CAPN15: variants seen among roughly 807,000 people sequenced by gnomAD.
CAPN15 encodes the protein calpain-15.
A neutral mutation model predicts 97.9 loss-of-function variants in CAPN15; 53 were observed. The ratio of observed to expected loss-of-function variants is 0.54; its 90% CI spans 0.43 to 0.68. The LOEUF (loss-of-function observed/expected upper bound fraction) is 0.68. Among genes scored for constraint, CAPN15 ranks in the 30% least tolerant of loss-of-function variants. CAPN15 has a pLI of 0.00. For missense variants in CAPN15, 1,592 were observed against 1,589.8 expected (o/e 1.00, Z -0.02); for synonymous variants, 922 against 722.5 (o/e 1.28, Z -4.43).
In CAPN15 at chr16:554,554, T is replaced by C. The variant is rs7763; in HGVS notation, c.*1038T>C. On this transcript the variant is annotated 3_prime_UTR_variant, in exon 14 of 14. Transcript: ENST00000219611. Reference sequence around the variant, plus strand: ...CAGAGACTATTTTATCAATTGTCAGTCCCGTTCCTTTACCATAGGATTCTC... The same window carrying C: ...CAGAGACTATTTTATCAATTGTCAGCCCCGTTCCTTTACCATAGGATTCTC... 0.33 allele frequency: 148,440 copies of C among 456,064 alleles called. 27,337 individuals are homozygous for C. Among genetic ancestry groups the C allele is most frequent in the East Asian group, 0.81 (11,672 of 14,382 alleles). The allele number at this position is 456,064 out of a possible 1,614,324, so 28.3% of individuals were successfully genotyped here.
rs565888104 is a variant in CAPN15 at position 547,597 on chromosome 16, C to T, written c.759C>T (p.Pro253=). 4 of 1,574,702 alleles carry T rather than the reference C, an allele frequency of 2.5e-6. No homozygotes were observed. The highest frequency in any genetic ancestry group is 2.6e-6 in the Non-Finnish European group (3 of 1,162,260). ...CGCGCAGCCGACGCGAGGTTCCCCC[C>T]CAGCTGCAGCCACCGGTGCCTGAGG... ...PVPRSRREVP[P]QLQPPVPEAA... The change falls in exon 4 of 14, where the codon CCC becomes CCT. Residue 253 remains proline (P), a synonymous_variant. Transcript: ENST00000219611.
intron 5 of CAPN15, 41 bp from the exon 6 acceptor site, chr16:549,247 C>T (rs1448601062): frequency 5.1e-5 from 78 of 1,543,214 alleles, no homozygotes; most frequent in Admixed American, 9.6e-5. Flanking sequence ...GGCGGGCGAC[C>T]GGCCGCGGTC....
In CAPN15 at chr16:540,175, G is replaced by T. The variant is rs1029184069; in HGVS notation, c.-23+4033G>T. The T allele has an allele frequency of 3.0e-6, 3 of 985,484 alleles. No homozygotes were observed. In the South Asian group the frequency reaches 1.4e-4, roughly 46 times the overall value. The allele number at this position is 985,484 out of a possible 1,614,324, so 61.0% of individuals were successfully genotyped here. A position where few individuals can be genotyped will look rare whatever the true frequency, so the allele number is the denominator to read the frequency against. On this transcript the variant is annotated intron_variant, in intron 3 of 13. Transcript: ENST00000219611. ...ACCAGGTCCGGCTCTCAGCACGGCC[G>T]CCGGCCGGGGGGCCATGGGGAGCTC...
chr16:545,756 T>C (rs1412364200), intron 3 of CAPN15, among the ~76,000 whole-genome samples: 1 of 152,196 alleles, frequency 6.6e-6, no homozygotes, highest in East Asian at 1.9e-4. Context: ...TGCCTGCACC[T>C]GCGGTCAGCG....
rs374355630 is a variant in CAPN15 at position 552,700 on chromosome 16, G to A, written c.2833G>A (p.Val945Met). Residue 945 changes from valine (V) to methionine (M), a missense_variant, in exon 12 of 14, where the codon GTG becomes ATG. Transcript: ENST00000219611. This position sits in a 1 kb window ranked among gnomAD's most constrained non-coding sequence, Gnocchi z 6.4. ...YSSRLVMVEP[V>M]EAQPTTLADA... ...CTCGAGGCTGGTCATGGTGGAGCCC[G>A]TGGAAGCCCAGCCGACCACGCTGGC... is the stretch of plus-strand genomic sequence containing the variant. 178 of 1,544,368 alleles carry A rather than the reference G, an allele frequency of 1.2e-4. No homozygotes were observed. Among genetic ancestry groups the A allele is most frequent in the Admixed American group, 5.9e-4 (30 of 50,958 alleles).
chr16:550,356 A>G (rs1236077053), intron 7 of CAPN15, among the ~76,000 whole-genome samples: 1 of 152,042 alleles, frequency 6.6e-6, no homozygotes, highest in Non-Finnish European at 1.5e-5. Flanking sequence ...AGCCAGCCCC[A>G]CAAGGCCTCC....
At chr16:536,968 C>A (rs948208033) in intron 3 of CAPN15, 4 of 232,116 alleles carry the variant, frequency 1.7e-5, no homozygotes, top group Admixed American at 1.3e-4. Context: ...AGGGCAGGGC[C>A]CCCGGCACCC....
chr16:535,747 C>G lies in CAPN15; in HGVS notation c.-136-282C>G, dbSNP rs1029999770. Among the ~76,000 whole-genome samples, 3 of 152,146 alleles carry G rather than the reference C, an allele frequency of 2.0e-5. No individual in the cohort carries two copies. The highest frequency in any genetic ancestry group is 1.3e-4 in the Admixed American group (2 of 15,282). On this transcript the variant is annotated intron_variant, in intron 2 of 13. Transcript: ENST00000219611. This position sits in a 1 kb window ranked among gnomAD's most constrained non-coding sequence, Gnocchi z 6.2. ...TTGAGGCGCCGCCCTGAGAGTCAGCCCTGTGGTCACGGCTCCTGCTGGTTC... is the reference window on the plus strand; with the variant it reads ...TTGAGGCGCCGCCCTGAGAGTCAGCGCTGTGGTCACGGCTCCTGCTGGTTC...
Position 552,606 on chromosome 16 carries a change from C to T in CAPN15, c.2739C>T (p.Ala913=), listed in dbSNP as rs1458863939. 8 of 1,539,276 alleles carry T rather than the reference C, an allele frequency of 5.2e-6. No homozygotes were observed. Among genetic ancestry groups the T allele is most frequent in the African/African-American group, 1.4e-5 (1 of 73,060 alleles). ...PPLPGTPAPQ[A]SSPSAGVPRA... is the part of the protein sequence containing the mutation. The stretch of plus-strand genomic sequence containing the variant: ...CGGTTCACACGCCCGTCCTTGTAGC[C>T]TCCAGCCCCTCGGCAGGGGTCCCGA... The change falls in exon 12 of 14, where the codon GCC becomes GCT. Residue 913 remains alanine (A), a splice_region_variant and synonymous_variant. Transcript: ENST00000219611. This position sits in a 1 kb window ranked among gnomAD's most constrained non-coding sequence, Gnocchi z 6.4.
chr16:546,077 C>G (rs1029646600), intron 3 of CAPN15, among the ~76,000 whole-genome samples: 11 of 152,192 alleles, frequency 7.2e-5, no homozygotes, highest in African/African-American at 2.7e-4. Flanking sequence ...CTCGCCGGGC[C>G]CAGTCCACCC....
rs773177856 is a variant in CAPN15 at position 552,241 on chromosome 16, G to C, written c.2507+29G>C. On this transcript the variant is annotated intron_variant, in intron 10 of 13. Coordinates refer to ENST00000219611, the MANE Select transcript of CAPN15 (RefSeq NM_005632.3). The surrounding 1 kb of genome is among the most constrained non-coding windows in gnomAD (Gnocchi z 6.4). ...GGTGCTGCGGGGCCCCATCGGGCTG[G>C]GCTGGGCTAGGCTGGCGGCCGTGAC... 1 of 1,532,658 alleles carries C rather than the reference G, an allele frequency of 6.5e-7. No homozygotes were observed. Among genetic ancestry groups the C allele is most frequent in the South Asian group, 1.2e-5 (1 of 82,492 alleles). The allele number at this position is 1,532,658 out of a possible 1,614,324, so 94.9% of individuals were successfully genotyped here. A position where few individuals can be genotyped will look rare whatever the true frequency, so the allele number is the denominator to read the frequency against.
intron 3 of CAPN15, chr16:543,408 C>CGTGGG (rs747024345): frequency 6.5e-6 from 1 of 153,002 alleles, no homozygotes; most frequent in Non-Finnish European, 1.5e-5. Context: ...GCGGGGCAGG[C>CGTGGG]GTGGGGTCTG....
intron 3 of CAPN15, among the ~76,000 whole-genome samples, chr16:540,763 G>C (rs891026263): frequency 1.3e-5 from 2 of 152,228 alleles, no homozygotes; most frequent in Admixed American, 1.3e-4. Flanking sequence ...CCCCCCGGGG[G>C]TCACAGGCCA....
chr16:539,755 T>TC, intron 3 of CAPN15: 1 of 152,430 alleles, frequency 6.6e-6, no homozygotes, highest in African/African-American at 2.4e-5. Flanking sequence ...CTCTGCTACC[T>TC]CCCCTGCCTA....
intron 3 of CAPN15, among the ~76,000 whole-genome samples, chr16:543,045 T>C (rs1329593797): frequency 5.3e-5 from 8 of 151,962 alleles, no homozygotes; most frequent in Non-Finnish European, 1.2e-4. Flanking sequence ...AGTGAGACTC[T>C]GTCTCAAAAT....
intron 3 of CAPN15, chr16:538,523 A>G (rs2033884759): frequency 6.6e-6 from 1 of 152,170 alleles, no homozygotes; most frequent in African/African-American, 2.4e-5. Context: ...ACCTTCAGAG[A>G]AAACGGACCC....
chr16:548,322 G>T, intron 4 of CAPN15, 35 bp downstream of exon 4: 1 of 1,438,588 alleles, frequency 7.0e-7, no homozygotes, highest in Non-Finnish European at 9.1e-7. Flanking sequence ...CTGCTCCTGA[G>T]CCTCCTGCTC....
At position 551,154 on chromosome 16, in the gene CAPN15, C is replaced by CCCCGGTCGGTGAGG. The variant is rs1567157886; in HGVS notation, c.2067-148_2067-147insCCCGGTCGGTGAGG. 38 of 976,408 alleles carry CCCCGGTCGGTGAGG rather than the reference C, an allele frequency of 3.9e-5. No individual in the cohort carries two copies. The African/African-American group carries it at 1.0e-3, about 27-fold the overall frequency. The allele number at this position is 976,408 out of a possible 1,614,324, so 60.5% of individuals were successfully genotyped here. On this transcript the variant is annotated intron_variant, in intron 7 of 13. Coordinates refer to ENST00000219611, the MANE Select transcript of CAPN15 (RefSeq NM_005632.3). ...TGGTGAGGGCCCCGGTCGGTGAGGG[C>CCCCGGTCGGTGAGG]GCCCCGTCGGTGAGGGTCCCGGTCG...
Position 547,822 on chromosome 16 carries a change from C to T in CAPN15, c.984C>T (p.Thr328=), listed in dbSNP as rs760400535. 25 of 1,611,448 alleles carry T rather than the reference C, an allele frequency of 1.6e-5. No individual in the cohort carries two copies. The highest frequency in any genetic ancestry group is 2.2e-5 in the East Asian group (1 of 44,788). ...ACATCATTGACCTGGCCGGAGACAC[C>T]GTGCGTTACACGCCCGCCAGCCCCT... is the stretch of plus-strand genomic sequence containing the variant. ...GSDIIDLAGD[T]VRYTPASPSS... is the part of the protein sequence containing the mutation. The change falls in exon 4 of 14, where the codon ACC becomes ACT. Residue 328 remains threonine, a synonymous_variant. Transcript: ENST00000219611.
Sources: gnomAD v4.1 joint callset for allele counts (sites outside exome capture counted in the v4.1 genomes callset) on GRCh38, gnomAD v4.1.1 for gene constraint, Gnocchi (gnomAD v3.1) non-coding constraint, MANE v1.5 for transcripts, NCBI Gene and HGNC (gene_info 2026-07-23, HGNC 2026-07-21) for gene names.